The following PCBP3 variants were observed in gnomAD, a reference collection of about 807,000 sequenced individuals.
PCBP3 encodes the protein poly(rC) binding protein 3, also known as poly(rC)-binding protein 3.
PCBP3 carries 25 observed loss-of-function variants against 52.7 expected under a neutral mutation model. That is an observed-to-expected ratio of 0.47 (90% CI 0.35 to 0.66). The LOEUF (loss-of-function observed/expected upper bound fraction) is 0.66. PCBP3 is among the 30% of genes least tolerant of loss of function. PCBP3 has a pLI of 0.01. For synonymous variants in PCBP3, 162 were observed against 183.0 expected, an observed-to-expected ratio of 0.89 and a Z score of 0.93; for missense variants, 391 against 490.3, an observed-to-expected ratio of 0.80 and a Z score of 1.91.
chr21:45,860,719 G>A (rs926028910), intron 5 of PCBP3, among the ~76,000 whole-genome samples: 74 of 152,234 alleles, frequency 4.9e-4, no homozygotes, highest in African/African-American at 1.7e-3. Context: ...CAGACTGCGG[G>A]GGAGATGGAC....
rs183765865 is a variant in PCBP3, at chr21:45,905,957, G to T, written c.340-3398G>T. ...CAGAGTCCACTAAGGCTGCAGGTAG[G>T]TGGGGTCCTCCACAGACTTCCTCGT... On this transcript the variant is annotated intron_variant, in intron 9 of 17. Transcript: ENST00000681687. Among the ~76,000 whole-genome samples the T allele has an allele frequency of 1.0e-3, 158 of 152,338 alleles. 1 individual carries two copies. The highest frequency in any genetic ancestry group is 1.7e-3 in the Non-Finnish European group (118 of 68,032).
intron 4 of PCBP3, among the ~76,000 whole-genome samples, chr21:45,825,624 CCTTT>C (rs1192951421): frequency 6.6e-6 from 1 of 152,080 alleles, no homozygotes. Flanking sequence ...CGGAGGAAAC[CCTTT>C]CTTATTTTTC....
intron 9 of PCBP3, among the ~76,000 whole-genome samples, chr21:45,907,115 A>G (rs1417295008): frequency 6.6e-6 from 1 of 152,268 alleles, no homozygotes; most frequent in South Asian, 2.1e-4. Flanking sequence ...GGATCTTTCT[A>G]TGTCTCAGTT....
intron 2 of PCBP3, among the ~76,000 whole-genome samples, chr21:45,684,141 T>A (rs537503605): frequency 1.3e-5 from 2 of 150,878 alleles, no homozygotes; most frequent in South Asian, 2.1e-4. Flanking sequence ...GGCAGAAGGA[T>A]CACTTAAGCT....
intron 2 of PCBP3, among the ~76,000 whole-genome samples, chr21:45,705,950 T>G (rs546485798): frequency 5.2e-4 from 79 of 152,316 alleles, no homozygotes; most frequent in African/African-American, 1.7e-3. Flanking sequence ...GATCATTCTT[T>G]TGCACATGTG....
chr21:45,773,722 C>T (rs2090049635), intron 4 of PCBP3, among the ~76,000 whole-genome samples: 1 of 151,996 alleles, frequency 6.6e-6, no homozygotes, highest in Admixed American at 6.6e-5. Flanking sequence ...GCTATTTGTG[C>T]CCTTTTTTGG....
intron 4 of PCBP3, among the ~76,000 whole-genome samples, chr21:45,839,219 A>C (rs748294412): frequency 6.6e-6 from 1 of 152,184 alleles, no homozygotes; most frequent in African/African-American, 2.4e-5. Flanking sequence ...AAGCAGTATT[A>C]AAATTAGCCA....
At position 45,931,451 on chromosome 21, in the gene PCBP3, A is replaced by T. The variant is rs1603545633; in HGVS notation, c.856+606A>T. On this transcript the variant is annotated intron_variant, in intron 15 of 17. Coordinates refer to ENST00000681687, the MANE Select transcript of PCBP3 (RefSeq NM_001384156.1). ...ACCAAGGCCCTGAGGACTGCAGTGC[A>T]CACACATGCCAGCCACAGCAGGGTT... is the stretch of plus-strand genomic sequence containing the variant. 1.3e-5 allele frequency among the ~76,000 whole-genome samples: 2 copies of T among 152,366 alleles called. 1 individual carries two copies. Among genetic ancestry groups the T allele is most frequent in the South Asian group, 4.1e-4 (2 of 4,832 alleles).
intron 4 of PCBP3, among the ~76,000 whole-genome samples, chr21:45,838,398 C>CTAA (rs373725751): frequency 1.3e-4 from 20 of 151,580 alleles, no homozygotes; most frequent in South Asian, 6.3e-4. Flanking sequence ...TGTTTTTGTT[C>CTAA]TAATAATAAT....
At chr21:45,728,101 A>G (rs1292981622) in intron 2 of PCBP3, among the ~76,000 whole-genome samples, 2 of 152,190 alleles carry the variant, frequency 1.3e-5, no homozygotes, top group African/African-American at 4.8e-5. Context: ...CTGAATTGAT[A>G]GATCACTTGT....
intron 4 of PCBP3, among the ~76,000 whole-genome samples, chr21:45,764,011 G>GA (rs531539523): frequency 7.4e-4 from 112 of 151,504 alleles, no homozygotes; most frequent in African/African-American, 2.6e-3. Context: ...AACATCTGCA[G>GA]AAAAAAAATA....
chr21:45,835,214 C>G (rs924707651), intron 4 of PCBP3, among the ~76,000 whole-genome samples: 1 of 152,096 alleles, frequency 6.6e-6, no homozygotes, highest in Non-Finnish European at 1.5e-5. Context: ...GCCCCGGGGG[C>G]GGGGCCTACA....
At chr21:45,740,093 C>T (rs976190151) in intron 3 of PCBP3, among the ~76,000 whole-genome samples, 9 of 150,308 alleles carry the variant, frequency 6.0e-5, no homozygotes, top group Non-Finnish European at 8.9e-5. Flanking sequence ...ATGTGAGTCT[C>T]AGCTGGCGTC....
chr21:45,884,624 G>A (rs904407244), intron 5 of PCBP3, among the ~76,000 whole-genome samples: 3 of 152,112 alleles, frequency 2.0e-5, no homozygotes, highest in Admixed American at 1.3e-4. Flanking sequence ...GCAGTGACAC[G>A]ATCATGGCTC....
chr21:45,656,307 G>A lies in PCBP3; in HGVS notation c.-279+12439G>A, dbSNP rs1171300663. Among the ~76,000 whole-genome samples, 3 of 152,186 alleles carry A rather than the reference G, an allele frequency of 2.0e-5. No individual in the cohort carries two copies. Among genetic ancestry groups the A allele is most frequent in the African/African-American group, 7.2e-5 (3 of 41,436 alleles). On this transcript the variant is annotated intron_variant, in intron 1 of 17. Coordinates refer to ENST00000681687, the MANE Select transcript of PCBP3 (RefSeq NM_001384156.1). The surrounding 1 kb of genome is among the most constrained non-coding windows in gnomAD (Gnocchi z 4.3). Reference sequence around the variant, plus strand: ...GCACATATACACCATGGAATACTATGCAGCCATAAAAAAGGATGAGTTCAT... The same window carrying A: ...GCACATATACACCATGGAATACTATACAGCCATAAAAAAGGATGAGTTCAT...
At chr21:45,927,489 G>A (rs993942152) in intron 13 of PCBP3, among the ~76,000 whole-genome samples, 5 of 149,848 alleles carry the variant, frequency 3.3e-5, no homozygotes, top group African/African-American at 1.2e-4. Flanking sequence ...ACTTAGTCCT[G>A]TTCTCTCCTT....
Position 45,764,331 on chromosome 21 carries a change from A to G in PCBP3, c.-126+8879A>G, listed in dbSNP as rs531564195. Among the ~76,000 whole-genome samples the G allele has an allele frequency of 2.0e-4, 30 of 152,226 alleles. No homozygotes were observed. In the South Asian group the frequency reaches 6.0e-3, roughly 31 times the overall value. On this transcript the variant is annotated intron_variant, in intron 4 of 17. Coordinates refer to ENST00000681687, the MANE Select transcript of PCBP3 (RefSeq NM_001384156.1). Reference sequence around the variant, plus strand: ...GAAATGGGGTTTCTCCATGTTGGCCAGGCTGGTCTCGAACTCCCGACCTCA... The same window carrying G: ...GAAATGGGGTTTCTCCATGTTGGCCGGGCTGGTCTCGAACTCCCGACCTCA...
At chr21:45,646,796 A>G (rs746398998) in intron 1 of PCBP3, among the ~76,000 whole-genome samples, 13 of 152,200 alleles carry the variant, frequency 8.5e-5, no homozygotes, top group Non-Finnish European at 1.9e-4. Context: ...GCATATATCT[A>G]TGTAGGGGCA....
intron 4 of PCBP3, among the ~76,000 whole-genome samples, chr21:45,774,388 C>CAA: frequency 9.2e-6 from 1 of 108,790 alleles, no homozygotes; most frequent in East Asian, 2.5e-4. Context: ...GACTCCATCT[C>CAA]AAAAAAAAAA....
Sources: gnomAD v4.1 joint callset for allele counts (sites outside exome capture counted in the v4.1 genomes callset) on GRCh38, gnomAD v4.1.1 for gene constraint, Gnocchi (gnomAD v3.1) non-coding constraint, MANE v1.5 for transcripts, NCBI Gene and HGNC (gene_info 2026-07-23, HGNC 2026-07-21) for gene names.